The following SSH2 variants were observed in gnomAD, a reference collection of about 807,000 sequenced individuals.
SSH2 encodes the protein protein phosphatase Slingshot homolog 2.
Under a neutral mutation model 135.2 loss-of-function variants are expected in SSH2, and 37 were observed. The ratio of observed to expected loss-of-function variants is 0.27; its 90% CI spans 0.21 to 0.36. SSH2 has a LOEUF of 0.36. SSH2 is among the 10% of genes least tolerant of loss of function. The pLI is 1.00. For missense variants in SSH2, 1,408 were observed against 1,765.3 expected, an observed-to-expected ratio of 0.80 and a Z score of 3.63; for synonymous variants, 628 against 646.2, an observed-to-expected ratio of 0.97 and a Z score of 0.43.
At chr17:29,692,064 C>T (rs571669492) in intron 5 of SSH2, among the ~76,000 whole-genome samples, 23 of 151,020 alleles carry the variant, frequency 1.5e-4, no homozygotes, top group African/African-American at 4.6e-4. Context: ...CACTTGAACT[C>T]GGGAGGCAGA....
intron 2 of SSH2, among the ~76,000 whole-genome samples, chr17:29,835,646 C>T (rs886433244): frequency 5.3e-5 from 8 of 152,322 alleles, no homozygotes; most frequent in South Asian, 4.1e-4. Context: ...GGCACTTCCT[C>T]ATGCAAATGC....
chr17:29,749,632 G>A (rs908689100), intron 3 of SSH2, among the ~76,000 whole-genome samples: 26 of 152,252 alleles, frequency 1.7e-4, no homozygotes, highest in Admixed American at 3.3e-4. Flanking sequence ...AGGGAGTGGC[G>A]AGTGAATGTG....
At chr17:29,731,438 TTTATTTA>T (rs2040193719) in intron 3 of SSH2, among the ~76,000 whole-genome samples, 1 of 148,060 alleles carries the variant, frequency 6.8e-6, no homozygotes, top group Non-Finnish European at 1.5e-5. Flanking sequence ...TATTTATTTA[TTTATTTA>T]TTTATTTATT....
At chr17:29,848,083 C>T (rs971887254) in intron 2 of SSH2, among the ~76,000 whole-genome samples, 9 of 152,258 alleles carry the variant, frequency 5.9e-5, no homozygotes, top group Admixed American at 4.6e-4. Flanking sequence ...CCTGGTGAAA[C>T]TAAGAACCCT....
At chr17:29,916,968 T>C (rs981926254) in intron 1 of SSH2, among the ~76,000 whole-genome samples, 7 of 152,018 alleles carry the variant, frequency 4.6e-5, no homozygotes, top group African/African-American at 1.7e-4. Context: ...AGGTGTCTTC[T>C]TTAACTTCAA....
At chr17:29,722,731 G>A (rs1465448880) in intron 3 of SSH2, among the ~76,000 whole-genome samples, 2 of 152,150 alleles carry the variant, frequency 1.3e-5, no homozygotes, top group Admixed American at 6.6e-5. Context: ...ACCGAAAAGT[G>A]GGGAGGGGCA....
At position 29,703,584 on chromosome 17, in the gene SSH2, C is replaced by CT. The variant is rs1362548997; in HGVS notation, c.189-523dup. ...TTCTGAAACAAAACTTTACAATATT[C>CT]TTTTTTTTTGAGATGGAGTCTCACT... On this transcript the variant is annotated intron_variant, in intron 3 of 15. Coordinates refer to ENST00000540801, the MANE Select transcript of SSH2 (RefSeq NM_001282129.2). 2.3e-3 allele frequency among the ~76,000 whole-genome samples: 336 copies of CT among 145,572 alleles called. 1 individual carries two copies. Among genetic ancestry groups the CT allele is most frequent in the African/African-American group, 8.1e-3 (319 of 39,304 alleles).
chr17:29,757,330 T>C (rs2041160075), intron 3 of SSH2, among the ~76,000 whole-genome samples: 1 of 152,214 alleles, frequency 6.6e-6, no homozygotes. Flanking sequence ...AACATTTTCA[T>C]ATAATCTCAA....
At chr17:29,887,637 A>T (rs1428575461) in intron 1 of SSH2, among the ~76,000 whole-genome samples, 1 of 152,202 alleles carries the variant, frequency 6.6e-6, no homozygotes, top group Non-Finnish European at 1.5e-5. Flanking sequence ...ATATTGATAA[A>T]GAGTTCAGAA....
At chr17:29,899,872 C>G (rs2066514516) in intron 1 of SSH2, among the ~76,000 whole-genome samples, 1 of 152,164 alleles carries the variant, frequency 6.6e-6, no homozygotes, top group Non-Finnish European at 1.5e-5. Flanking sequence ...TGCTACCTGA[C>G]TTCAAACTAT....
At chr17:29,691,785 C>T (rs894057464) in intron 5 of SSH2, among the ~76,000 whole-genome samples, 11 of 151,728 alleles carry the variant, frequency 7.2e-5, no homozygotes, top group Admixed American at 2.0e-4. Context: ...CCACTGTGCC[C>T]GGCTTATTTT....
At chr17:29,828,084 G>C (rs1193895826) in intron 2 of SSH2, among the ~76,000 whole-genome samples, 1 of 152,102 alleles carries the variant, frequency 6.6e-6, no homozygotes, top group Non-Finnish European at 1.5e-5. Context: ...CATCATGTTA[G>C]ACTAGATAAA....
intron 9 of SSH2, 138 bp from the exon 10 acceptor site, chr17:29,667,361 A>G (rs181604536): frequency 5.9e-5 from 39 of 663,666 alleles, no homozygotes; most frequent in South Asian, 4.3e-4. Flanking sequence ...GAGATCAACA[A>G]CTTAGAGCGT....
chr17:29,872,062 A>G (rs1027112138), intron 1 of SSH2, among the ~76,000 whole-genome samples: 2 of 152,202 alleles, frequency 1.3e-5, no homozygotes, highest in Admixed American at 6.5e-5. Context: ...TTAAATGGAA[A>G]AACACTGGTG....
chr17:29,635,574 A>AT (rs1311664163), intron 15 of SSH2, among the ~76,000 whole-genome samples: 4 of 151,160 alleles, frequency 2.6e-5, no homozygotes, highest in African/African-American at 9.7e-5. Flanking sequence ...CACCTGGCTA[A>AT]TTTTTTGTAT....
intron 9 of SSH2, among the ~76,000 whole-genome samples, chr17:29,667,505 C>T (rs540242826): frequency 3.3e-5 from 5 of 152,280 alleles, no homozygotes; most frequent in East Asian, 3.9e-4. Flanking sequence ...CTCATAGGAG[C>T]GCAAACCCTA....
At chr17:29,740,641 C>T (rs1306694338) in intron 3 of SSH2, among the ~76,000 whole-genome samples, 3 of 152,146 alleles carry the variant, frequency 2.0e-5, no homozygotes, top group Admixed American at 6.5e-5. Context: ...AGTTAATCTC[C>T]TCACCTTTGT....
rs541484788 is a variant in SSH2 at position 29,852,277 on chromosome 17, A to AG, written c.64-3349dup. On this transcript the variant is annotated intron_variant, in intron 1 of 15. Coordinates refer to ENST00000540801, the MANE Select transcript of SSH2 (RefSeq NM_001282129.2). ...GTGACAGAGTGACACTCTGTCTCAA[A>AG]GAAAAAAAAAATGACCTTTCAAGAA... is the stretch of plus-strand genomic sequence containing the variant. 5.3e-3 allele frequency among the ~76,000 whole-genome samples: 800 copies of AG among 151,876 alleles called. 27 individuals are homozygous for AG. Among genetic ancestry groups the AG allele is most frequent in the African/African-American group, 0.018 (758 of 41,264 alleles).
chr17:29,667,454 C>T (rs969721610), intron 9 of SSH2, among the ~76,000 whole-genome samples: 3 of 152,198 alleles, frequency 2.0e-5, no homozygotes, highest in Non-Finnish European at 4.4e-5. Flanking sequence ...GCATTACTGC[C>T]TGAACTCCGC....
Sources: gnomAD v4.1 joint callset for allele counts (sites outside exome capture counted in the v4.1 genomes callset) on GRCh38, gnomAD v4.1.1 for gene constraint, MANE v1.5 for transcripts, NCBI Gene and HGNC (gene_info 2026-07-23, HGNC 2026-07-21) for gene names.